HERC2: variants seen among roughly 807,000 people sequenced by gnomAD.
The protein encoded by HERC2 is E3 ubiquitin-protein ligase HERC2.
HERC2 carries 102 observed loss-of-function variants against 537.7 expected under a neutral mutation model. That is an observed-to-expected ratio of 0.19 (90% CI 0.16 to 0.22). The LOEUF (loss-of-function observed/expected upper bound fraction) is 0.22, where lower values mean the gene tolerates loss of function less well. Ranked by LOEUF, HERC2 falls within the 10% of genes least tolerant of loss-of-function variation. The probability of loss-of-function intolerance (pLI) is 1.00; values close to 1 mark genes in which losing one functional copy is unlikely to be tolerated. For missense variants in HERC2, 4,236 were observed against 6,198.2 expected (o/e 0.68, Z 10.63); for synonymous variants, 2,224 against 2,466.2 (o/e 0.90, Z 2.91).
chr15:28,210,884 G>A lies in HERC2; in HGVS notation c.7069+118C>T, dbSNP rs1389023984. 3.8e-6 allele frequency: 4 copies of A among 1,047,298 alleles called. No homozygotes were observed. The Admixed American group carries it at 5.2e-5, about 14-fold the overall frequency. 64.9% of individuals were successfully genotyped at this position (1,047,298 alleles called of 1,614,324 possible). A position where few individuals can be genotyped will look rare whatever the true frequency, so the allele number is the denominator to read the frequency against. ...TTGGTGGTTGCTGGGCAGGCCACATGTCTGTCTTGTACATTTATAAGCCAC... is the reference window on the plus strand; with the variant it reads ...TTGGTGGTTGCTGGGCAGGCCACATATCTGTCTTGTACATTTATAAGCCAC... On this transcript the variant is annotated intron_variant, in intron 44 of 92. Transcript: ENST00000261609.
chr15:28,182,547 A>G (rs748049398), intron 56 of HERC2, 35 bp from the exon 57 acceptor site: 2 of 1,475,202 alleles, frequency 1.4e-6, no homozygotes, highest in South Asian at 1.2e-5. Context: ...AAAAGAAAAG[A>G]GAGGTTATTC....
chr15:28,250,433 C>T (rs1371331461), intron 20 of HERC2, among the ~76,000 whole-genome samples: 3 of 152,030 alleles, frequency 2.0e-5, no homozygotes, highest in African/African-American at 7.2e-5. Flanking sequence ...GAGCAAGAGA[C>T]GGTAATACAA....
At chr15:28,173,392 G>T (rs1894881897) in intron 65 of HERC2, among the ~76,000 whole-genome samples, 1 of 152,112 alleles carries the variant, frequency 6.6e-6, no homozygotes, top group South Asian at 2.1e-4. Flanking sequence ...AATTTAAAAA[G>T]AATAAACTAT....
chr15:28,220,053 G>A (rs1401002149), intron 37 of HERC2, among the ~76,000 whole-genome samples: 1 of 152,170 alleles, frequency 6.6e-6, no homozygotes, highest in Non-Finnish European at 1.5e-5. Context: ...TTGGGCAGGG[G>A]CTCTCACTGG....
intron 20 of HERC2, among the ~76,000 whole-genome samples, chr15:28,252,038 G>A (rs1177002884): frequency 2.6e-5 from 4 of 152,108 alleles, no homozygotes; most frequent in South Asian, 2.1e-4. Context: ...CACAGTTGAC[G>A]AAGTAGACTC....
chr15:28,216,935 C>T (rs542757832), intron 38 of HERC2, among the ~76,000 whole-genome samples: 110 of 152,232 alleles, frequency 7.2e-4, no homozygotes, highest in African/African-American at 2.5e-3. Flanking sequence ...TTTACCCACA[C>T]ACTTTCTCAC....
rs185692138 is a variant in HERC2 at position 28,126,899 on chromosome 15, A to G, written c.12803-1706T>C. Among the ~76,000 whole-genome samples, 69 of 152,368 alleles carry G rather than the reference A, an allele frequency of 4.5e-4. No individual in the cohort carries two copies. The East Asian group carries it at 8.1e-3, about 18-fold the overall frequency. On this transcript the variant is annotated intron_variant, in intron 83 of 92. Coordinates refer to ENST00000261609, the MANE Select transcript of HERC2 (RefSeq NM_004667.6). The stretch of plus-strand genomic sequence containing the variant: ...TTAAAAAATAACATAAAAAAAGAAC[A>G]TGCCGTTTCTGTTCATATCCTAAAC...
chr15:28,173,887 G>T (rs542426305), intron 65 of HERC2, among the ~76,000 whole-genome samples: 111 of 151,966 alleles, frequency 7.3e-4, no homozygotes, highest in African/African-American at 2.6e-3. Context: ...GGTGCATACG[G>T]CAGGAAGGAG....
At chr15:28,276,591 CG>C (rs764900473) in intron 5 of HERC2, among the ~76,000 whole-genome samples, 3 of 151,808 alleles carry the variant, frequency 2.0e-5, no homozygotes, top group Non-Finnish European at 2.9e-5. Context: ...AAAAATTAGC[CG>C]GGTGTGGTGG....
chr15:28,184,078 C>A (rs1896071650), intron 56 of HERC2, among the ~76,000 whole-genome samples: 1 of 152,060 alleles, frequency 6.6e-6, no homozygotes, highest in African/African-American at 2.4e-5. Context: ...GTAATCCCAG[C>A]TACTTGGGAG....
chr15:28,195,501 T>C (rs1596190154), intron 52 of HERC2, among the ~76,000 whole-genome samples: 1 of 152,316 alleles, frequency 6.6e-6, no homozygotes, highest in South Asian at 2.1e-4. Context: ...TGGAATATTA[T>C]TTAGCCATTA....
chr15:28,256,500 G>C (rs1412944040), intron 17 of HERC2, among the ~76,000 whole-genome samples, 183 bp from the exon 18 acceptor site: 1 of 152,134 alleles, frequency 6.6e-6, no homozygotes, highest in African/African-American at 2.4e-5. Flanking sequence ...ATTTGCTAGA[G>C]GAATCTTTTT....
chr15:28,156,736 C>G (rs1432048073), intron 69 of HERC2, among the ~76,000 whole-genome samples: 1 of 152,114 alleles, frequency 6.6e-6, no homozygotes, highest in Non-Finnish European at 1.5e-5. Flanking sequence ...AATTGAATAC[C>G]CTTTATTTCT....
chr15:28,154,221 G>A (rs1465306474), intron 69 of HERC2, among the ~76,000 whole-genome samples: 2 of 152,076 alleles, frequency 1.3e-5, no homozygotes, highest in African/African-American at 4.8e-5. Flanking sequence ...ATACTTTTTA[G>A]AAATAGATTA....
Position 28,212,434 on chromosome 15 carries a change from C to T in HERC2, c.6925+11G>A. On this transcript the variant is annotated intron_variant, in intron 43 of 92. Transcript: ENST00000261609. ...CGGCAGCTATTTCATCAAGAAGCACCATGTACTGACCTGCAAAGGCCTGTT... is the reference window on the plus strand; with the variant it reads ...CGGCAGCTATTTCATCAAGAAGCACTATGTACTGACCTGCAAAGGCCTGTT... The T allele has an allele frequency of 6.2e-7, 1 of 1,610,580 alleles. No homozygotes were observed. Among genetic ancestry groups the T allele is most frequent in the Non-Finnish European group, 8.5e-7 (1 of 1,178,972 alleles).
chr15:28,114,870 C>T, intron 89 of HERC2, 68 bp from the exon 90 acceptor site: 1 of 1,339,292 alleles, frequency 7.5e-7, no homozygotes, highest in South Asian at 1.2e-5. Flanking sequence ...CTCCAGTCCA[C>T]CCAGCACACT....
At chr15:28,235,918 T>C (rs766190120) in intron 26 of HERC2, among the ~76,000 whole-genome samples, 1 of 152,048 alleles carries the variant, frequency 6.6e-6, no homozygotes. Flanking sequence ...TGTAAACCCA[T>C]CTTAGGAGAC....
In HERC2 at chr15:28,174,677, A is replaced by T; in HGVS notation, c.9832-57T>A. ...TTCAACATTTCAGGACATTTTCTTTAATGTAATTTTTACTTCAAAATGCTT... is the reference window on the plus strand; with the variant it reads ...TTCAACATTTCAGGACATTTTCTTTTATGTAATTTTTACTTCAAAATGCTT... On this transcript the variant is annotated intron_variant, in intron 64 of 92. Coordinates refer to ENST00000261609, the MANE Select transcript of HERC2 (RefSeq NM_004667.6). The T allele has an allele frequency of 2.4e-6, 3 of 1,261,590 alleles. No homozygotes were observed. In the South Asian group the frequency reaches 4.1e-5, roughly 17 times the overall value. 78.1% of individuals were successfully genotyped at this position (1,261,590 alleles called of 1,614,324 possible). A position where few individuals can be genotyped will look rare whatever the true frequency, so the allele number is the denominator to read the frequency against.
chr15:28,153,464 G>A (rs1892663982), intron 69 of HERC2, among the ~76,000 whole-genome samples: 2 of 152,016 alleles, frequency 1.3e-5, no homozygotes, highest in South Asian at 2.1e-4. Flanking sequence ...GACCAGCCTG[G>A]CCAGTACGGT....
Sources: allele counts gnomAD v4.1 joint callset (sites outside exome capture counted in the v4.1 genomes callset), GRCh38; gene constraint gnomAD v4.1.1; transcripts MANE v1.5; gene names NCBI Gene and HGNC (gene_info 2026-07-23, HGNC 2026-07-21).